KIF6: variants seen among roughly 807,000 people sequenced by gnomAD.
KIF6 encodes the protein kinesin family member 6, also known as kinesin-like protein KIF6.
Under a neutral mutation model 112.7 loss-of-function variants are expected in KIF6, and 106 were observed. The ratio of observed to expected loss-of-function variants is 0.94; its 90% CI spans 0.80 to 1.11. The LOEUF (loss-of-function observed/expected upper bound fraction) is 1.11. KIF6 is among the 50% of genes least tolerant of loss of function. The pLI is 0.00. For missense variants in KIF6, 929 were observed against 964.0 expected (o/e 0.96, Z 0.48); for synonymous variants, 339 against 339.9 (o/e 1.00, Z 0.03).
intron 16 of KIF6, among the ~76,000 whole-genome samples, chr6:39,369,059 T>G (rs144558217): frequency 1.2e-3 from 183 of 152,312 alleles, no homozygotes; most frequent in Non-Finnish European, 2.2e-3. Flanking sequence ...CATAGATCAC[T>G]TCAGCCTCAC....
Position 39,664,478 on chromosome 6 carries a change from C to T in KIF6, c.252-24721G>A, listed in dbSNP as rs112279287. On this transcript the variant is annotated intron_variant, in intron 3 of 22. Transcript: ENST00000287152. ...TATTTCTAAATAAATTCGTGTCCTCCGGACCCAAAATATACAGTGTTTTTC... is the reference window on the plus strand; with the variant it reads ...TATTTCTAAATAAATTCGTGTCCTCTGGACCCAAAATATACAGTGTTTTTC... Among the ~76,000 whole-genome samples the T allele has an allele frequency of 1.1e-4, 17 of 152,218 alleles. No homozygotes were observed. The East Asian group carries it at 1.7e-3, about 16-fold the overall frequency.
At chr6:39,667,210 C>T (rs1314477181) in intron 3 of KIF6, among the ~76,000 whole-genome samples, 1 of 146,468 alleles carries the variant, frequency 6.8e-6, no homozygotes, top group African/African-American at 2.5e-5. Context: ...TGAGAAGTCC[C>T]ACAACAGGCC....
At chr6:39,337,393 A>G (rs941757863) in intron 22 of KIF6, among the ~76,000 whole-genome samples, 2 of 150,602 alleles carry the variant, frequency 1.3e-5, no homozygotes, top group Non-Finnish European at 2.9e-5. Flanking sequence ...GCTCACTGCA[A>G]CCTCTGCCTC....
intron 10 of KIF6, among the ~76,000 whole-genome samples, chr6:39,565,118 G>C (rs1358119466): frequency 7.2e-6 from 1 of 138,080 alleles, no homozygotes; most frequent in East Asian, 1.9e-4. Flanking sequence ...GCGTAGGCTT[G>C]CTTTGACATT....
intron 13 of KIF6, among the ~76,000 whole-genome samples, chr6:39,451,481 A>T: frequency 6.6e-6 from 1 of 152,224 alleles, no homozygotes; most frequent in Middle Eastern, 3.2e-3. Flanking sequence ...ATTCACTGAC[A>T]GCAGTTCTAG....
intron 13 of KIF6, among the ~76,000 whole-genome samples, chr6:39,494,519 G>A (rs1775660009): frequency 6.6e-6 from 1 of 152,160 alleles, no homozygotes; most frequent in Non-Finnish European, 1.5e-5. Flanking sequence ...AAGAAATATG[G>A]AGAATTACAT....
chr6:39,658,702 T>A (rs1298066683), intron 3 of KIF6, among the ~76,000 whole-genome samples: 1 of 152,196 alleles, frequency 6.6e-6, no homozygotes, highest in Non-Finnish European at 1.5e-5. Context: ...ATACATTAAA[T>A]AATTTCCCTG....
chr6:39,599,785 TG>T (rs1311165721), intron 6 of KIF6, among the ~76,000 whole-genome samples: 3 of 152,180 alleles, frequency 2.0e-5, no homozygotes, highest in African/African-American at 7.2e-5. Flanking sequence ...TCTCAACAGC[TG>T]TCTTTAGCTT....
chr6:39,337,074 CCTTT>C (rs1477435980), intron 22 of KIF6, among the ~76,000 whole-genome samples: 1 of 108,870 alleles, frequency 9.2e-6, no homozygotes, highest in Non-Finnish European at 1.8e-5. Flanking sequence ...CTTTCTCTTT[CCTTT>C]CTTTCCTTCT....
intron 6 of KIF6, among the ~76,000 whole-genome samples, chr6:39,599,909 G>A (rs960524976): frequency 2.6e-5 from 4 of 152,144 alleles, no homozygotes; most frequent in African/African-American, 9.7e-5. Context: ...GTATATTCTG[G>A]AGTCTGTAAT....
chr6:39,478,332 A>G (rs986364913), intron 13 of KIF6, among the ~76,000 whole-genome samples: 8 of 152,214 alleles, frequency 5.3e-5, no homozygotes, highest in South Asian at 4.1e-4. Context: ...ACTTAGAATA[A>G]TAGTCTCCAA....
intron 13 of KIF6, among the ~76,000 whole-genome samples, chr6:39,516,743 A>G (rs1390318608): frequency 2.6e-5 from 4 of 152,204 alleles, no homozygotes; most frequent in Non-Finnish European, 5.9e-5. Flanking sequence ...GCCACATGCA[A>G]CAAAGAAAAA....
chr6:39,638,952 G>T (rs1337330580), intron 4 of KIF6, among the ~76,000 whole-genome samples: 6 of 152,024 alleles, frequency 3.9e-5, no homozygotes, highest in Non-Finnish European at 8.8e-5. Context: ...ACATCAGGTG[G>T]ACTTGGGATA....
At chr6:39,598,385 C>T (rs1055742661) in intron 6 of KIF6, among the ~76,000 whole-genome samples, 2 of 151,948 alleles carry the variant, frequency 1.3e-5, no homozygotes, top group African/African-American at 2.4e-5. Flanking sequence ...TAAAGTCTAA[C>T]AAAATAAGTG....
At chr6:39,348,333 G>T (rs1186444811) in intron 19 of KIF6, among the ~76,000 whole-genome samples, 1 of 152,132 alleles carries the variant, frequency 6.6e-6, no homozygotes, top group Admixed American at 6.5e-5. Context: ...GATGGGGCAG[G>T]GTAGAAGGGC....
intron 13 of KIF6, among the ~76,000 whole-genome samples, chr6:39,522,665 G>A (rs1235152935): frequency 6.6e-6 from 1 of 152,052 alleles, no homozygotes; most frequent in South Asian, 2.1e-4. Context: ...CATCTTACTT[G>A]ACCACTCTGC....
chr6:39,628,245 CGTGTGTGTGTGT>C (rs140599243), intron 5 of KIF6, among the ~76,000 whole-genome samples: 1 of 149,040 alleles, frequency 6.7e-6, no homozygotes, highest in East Asian at 2.0e-4. Flanking sequence ...TACTCATTTA[CGTGTGTGTGTGT>C]GTGTGTGTGT....
intron 19 of KIF6, among the ~76,000 whole-genome samples, chr6:39,351,435 T>C (rs1401222090): frequency 6.6e-6 from 1 of 151,198 alleles, no homozygotes. Context: ...CATATTTTGT[T>C]GTAGAGACGG....
At chr6:39,592,144 CT>C (rs35029227) in intron 7 of KIF6, among the ~76,000 whole-genome samples, 18 of 152,172 alleles carry the variant, frequency 1.2e-4, no homozygotes, top group African/African-American at 4.3e-4. Flanking sequence ...ACAAACCTGA[CT>C]TTTTTTATTG....
Sources: gnomAD v4.1 joint callset for allele counts (sites outside exome capture counted in the v4.1 genomes callset) on GRCh38, gnomAD v4.1.1 for gene constraint, MANE v1.5 for transcripts, NCBI Gene and HGNC (gene_info 2026-07-23, HGNC 2026-07-21) for gene names.